RBFOX1: variants seen among roughly 807,000 people sequenced by gnomAD.
RBFOX1 encodes the protein RNA binding fox-1 homolog 1.
RBFOX1 carries 8 observed loss-of-function variants against 57.7 expected under a neutral mutation model. The observed-to-expected ratio is 0.14, with a 90% CI of 0.08 to 0.25. The LOEUF (loss-of-function observed/expected upper bound fraction) is 0.25, where lower values mean the gene tolerates loss of function less well. Ranked by LOEUF, RBFOX1 falls within the 10% of genes least tolerant of loss-of-function variation. RBFOX1 has a pLI of 1.00. For missense variants in RBFOX1, 611 were observed against 548.5 expected, an observed-to-expected ratio of 1.11 and a Z score of -1.14; for synonymous variants, 326 against 222.4, an observed-to-expected ratio of 1.47 and a Z score of -4.15.
At chr16:6,046,644 A>C (rs1425820554) in intron 1 of RBFOX1, among the ~76,000 whole-genome samples, 1 of 152,206 alleles carries the variant, frequency 6.6e-6, no homozygotes, top group Non-Finnish European at 1.5e-5. Context: ...GCCCAAGGTT[A>C]GGGAGGCAAC....
At chr16:5,388,679 C>T (rs553961791) in intron 1 of RBFOX1, among the ~76,000 whole-genome samples, 2 of 152,016 alleles carry the variant, frequency 1.3e-5, no homozygotes, top group African/African-American at 2.4e-5. Flanking sequence ...CGGGTTCAAG[C>T]GATTTTCCTG....
intron 4 of RBFOX1, among the ~76,000 whole-genome samples, chr16:7,284,215 A>T (rs1715630453): frequency 1.3e-5 from 2 of 152,222 alleles, no homozygotes; most frequent in Non-Finnish European, 2.9e-5. Context: ...TTTGCTGATT[A>T]TGAAACAGTT....
At position 6,176,692 on chromosome 16, in the gene RBFOX1, AT is replaced by A. The variant is rs71142687; in HGVS notation, c.-126-140292del. Among the ~76,000 whole-genome samples, 918 of 148,890 alleles carry A rather than the reference AT, an allele frequency of 6.2e-3. 7 individuals are homozygous for A. Among genetic ancestry groups the A allele is most frequent in the African/African-American group, 0.017 (673 of 40,628 alleles). ...ATTTGCTAACAACCATTCTTAGGTC[AT>A]TTTTTTTTTTCTTTTCCAATCTGAC... On this transcript the variant is annotated intron_variant, in intron 1 of 15. Coordinates refer to ENST00000550418, the MANE Select transcript of RBFOX1 (RefSeq NM_018723.4).
At position 7,322,743 on chromosome 16, in the gene RBFOX1, G is replaced by A. The variant is rs541928174; in HGVS notation, c.28-195404G>A. ...AAGAGGCTCAATGGTATGGGAAAAA[G>A]CCAAGGAGAAATCAGCCCTTGAGGT... On this transcript the variant is annotated intron_variant, in intron 4 of 15. Coordinates refer to ENST00000550418, the MANE Select transcript of RBFOX1 (RefSeq NM_018723.4). Among the ~76,000 whole-genome samples, 137 of 152,278 alleles carry A rather than the reference G, an allele frequency of 9.0e-4. 3 individuals are homozygous for A. The South Asian group carries it at 0.027, about 30-fold the overall frequency.
chr16:5,718,683 G>A (rs1344443853), intron 3 of RBFOX1, among the ~76,000 whole-genome samples: 1 of 152,188 alleles, frequency 6.6e-6, no homozygotes, highest in Non-Finnish European at 1.5e-5. Flanking sequence ...AAGGCAGGTG[G>A]ATCACCTGAA....
intron 1 of RBFOX1, among the ~76,000 whole-genome samples, chr16:5,415,348 G>A (rs551899361): frequency 1.3e-5 from 2 of 152,128 alleles, no homozygotes; most frequent in African/African-American, 2.4e-5. Context: ...TTGCTATCAC[G>A]AGAACAGCAT....
intron 2 of RBFOX1, chr16:6,577,042 TC>T (rs1467091850): frequency 2.6e-5 from 4 of 152,270 alleles, no homozygotes; most frequent in Admixed American, 1.3e-4. Context: ...TCAGGACTGT[TC>T]CCCCAAAACT....
intron 3 of RBFOX1, among the ~76,000 whole-genome samples, chr16:6,842,845 C>T (rs550058356): frequency 4.8e-4 from 73 of 152,084 alleles, no homozygotes; most frequent in African/African-American, 1.4e-3. Flanking sequence ...TGACAGGCCC[C>T]GGTGTGTGAT....
At chr16:7,484,430 G>A (rs1050478187) in intron 4 of RBFOX1, among the ~76,000 whole-genome samples, 1 of 152,090 alleles carries the variant, frequency 6.6e-6, no homozygotes, top group African/African-American at 2.4e-5. Context: ...AAGTGGCTGT[G>A]CCATTTTGCT....
At chr16:5,403,349 C>CAAAAAAAAAAAAAAAAAAAAAAAAA in intron 1 of RBFOX1, among the ~76,000 whole-genome samples, 1 of 82,268 alleles carries the variant, frequency 1.2e-5, no homozygotes, top group Admixed American at 1.4e-4. Context: ...AACGCTGTCT[C>CAAAAAAAAAAAAAAAAAAAAAAAAA]AAAAAAAAAA....
chr16:5,744,915 G>C (rs2052916054), intron 3 of RBFOX1, among the ~76,000 whole-genome samples: 1 of 152,074 alleles, frequency 6.6e-6, no homozygotes, highest in Non-Finnish European at 1.5e-5. Flanking sequence ...GGGGATTACA[G>C]GCATGCACTG....
rs140636393 is a variant in RBFOX1 at position 6,484,947 on chromosome 16, G to C, written c.-64+167890G>C. On this transcript the variant is annotated intron_variant, in intron 2 of 15. Transcript: ENST00000550418. Reference sequence around the variant, plus strand: ...AATCCTCTCTTTAGTAGGGTAGCTGGGTAGTAAATTGTTTGGCTTAAAATG... The same window carrying C: ...AATCCTCTCTTTAGTAGGGTAGCTGCGTAGTAAATTGTTTGGCTTAAAATG... Among the ~76,000 whole-genome samples the C allele has an allele frequency of 1.7e-3, 262 of 152,252 alleles. 1 individual carries two copies. Among genetic ancestry groups the C allele is most frequent in the South Asian group, 5.2e-3 (25 of 4,822 alleles).
intron 2 of RBFOX1, among the ~76,000 whole-genome samples, chr16:6,512,809 C>G (rs1366976416): frequency 3.3e-5 from 5 of 152,166 alleles, no homozygotes; most frequent in Non-Finnish European, 7.3e-5. Context: ...TAGCCACAGC[C>G]AAGCCTAAGC....
intron 4 of RBFOX1, among the ~76,000 whole-genome samples, chr16:7,131,471 T>C (rs2070383470): frequency 6.6e-6 from 1 of 150,930 alleles, no homozygotes; most frequent in South Asian, 2.1e-4. Context: ...GTAGGTTTCA[T>C]AATCTCCATT....
At chr16:6,270,575 C>A (rs1297367792) in intron 1 of RBFOX1, among the ~76,000 whole-genome samples, 1 of 151,184 alleles carries the variant, frequency 6.6e-6, no homozygotes, top group Non-Finnish European at 1.5e-5. Flanking sequence ...CAGAGCTACA[C>A]AATATATGAA....
chr16:7,596,852 G>C lies in RBFOX1; in HGVS notation c.562-519G>C, dbSNP rs536972994. Among the ~76,000 whole-genome samples, 249 of 152,108 alleles carry C rather than the reference G, an allele frequency of 1.6e-3. 1 individual carries two copies. The highest frequency in any genetic ancestry group is 3.1e-3 in the Non-Finnish European group (212 of 68,022). ...TTTGTTAATTCTTGCGATGTAAAAG[G>C]CTCTTGTTCCAAGTGTTGAATGCTA... On this transcript the variant is annotated intron_variant, in intron 8 of 15. Coordinates refer to ENST00000550418, the MANE Select transcript of RBFOX1 (RefSeq NM_018723.4).
intron 1 of RBFOX1, among the ~76,000 whole-genome samples, chr16:5,286,375 C>T (rs1289440132): frequency 6.6e-6 from 1 of 152,096 alleles, no homozygotes; most frequent in Non-Finnish European, 1.5e-5. Flanking sequence ...TGCAGGTTCT[C>T]GTGGTGGGTA....
intron 3 of RBFOX1, among the ~76,000 whole-genome samples, chr16:6,935,331 A>G (rs2077187444): frequency 6.6e-6 from 1 of 152,164 alleles, no homozygotes; most frequent in African/African-American, 2.4e-5. Flanking sequence ...GTTTCCCTTC[A>G]TAAAGTAGAG....
chr16:6,949,295 G>C (rs1446443809), intron 3 of RBFOX1, among the ~76,000 whole-genome samples: 1 of 152,166 alleles, frequency 6.6e-6, no homozygotes, highest in Non-Finnish European at 1.5e-5. Flanking sequence ...AAAGGGAGAA[G>C]AAAGACATGT....
Sources: gnomAD v4.1 joint callset for allele counts (sites outside exome capture counted in the v4.1 genomes callset) on GRCh38, gnomAD v4.1.1 for gene constraint, MANE v1.5 for transcripts, NCBI Gene and HGNC (gene_info 2026-07-23, HGNC 2026-07-21) for gene names.